Variants in USP7 observed in about 807,000 individuals in gnomAD.
The protein encoded by USP7 is ubiquitin specific peptidase 7, also known as ubiquitin C-terminal hydrolase 7.
Under a neutral mutation model 162.9 loss-of-function variants are expected in USP7, and 9 were observed. The ratio of observed to expected loss-of-function variants is 0.06; its 90% CI spans 0.03 to 0.10. USP7 has a LOEUF of 0.10. Among genes scored for constraint, USP7 ranks in the 10% least tolerant of loss-of-function variants. The pLI is 1.00. For missense variants in USP7, 715 were observed against 1,373.7 expected (o/e 0.52, Z 7.58); for synonymous variants, 562 against 475.9 (o/e 1.18, Z -2.35).
intron 2 of USP7, among the ~76,000 whole-genome samples, chr16:8,927,945 G>C (rs1312528621): frequency 6.6e-6 from 1 of 152,226 alleles, no homozygotes; most frequent in East Asian, 1.9e-4. Context: ...AGAAGTTCAA[G>C]ACCAGCCTGG....
intron 10 of USP7, among the ~76,000 whole-genome samples, chr16:8,912,174 T>G (rs2061957290): frequency 6.6e-6 from 1 of 152,170 alleles, no homozygotes; most frequent in Non-Finnish European, 1.5e-5. Flanking sequence ...ACCAGTGCAG[T>G]GGCTCAGTGG....
At chr16:8,938,058 TC>T (rs1159009509) in intron 1 of USP7, among the ~76,000 whole-genome samples, 7 of 152,130 alleles carry the variant, frequency 4.6e-5, no homozygotes, top group African/African-American at 1.7e-4. Flanking sequence ...CAGAATATCC[TC>T]CCTATGTCAC....
At chr16:8,955,654 C>T (rs570668454) in intron 1 of USP7, among the ~76,000 whole-genome samples, 52 of 129,386 alleles carry the variant, frequency 4.0e-4, no homozygotes, top group East Asian at 4.9e-4. Flanking sequence ...TGCAGTGAGC[C>T]GAGATCACAC....
intron 5 of USP7, 38 bp from the exon 6 acceptor site, chr16:8,919,177 T>C (rs1897538990): frequency 1.9e-6 from 3 of 1,600,862 alleles, no homozygotes; most frequent in Non-Finnish European, 2.6e-6. Context: ...ATCTTGCAGA[T>C]ACCCCATTGC....
chr16:8,903,292 A>G lies in USP7; in HGVS notation c.1815T>C (p.Phe605=), dbSNP rs1407969417. 2 of 1,614,056 alleles carry G rather than the reference A, an allele frequency of 1.2e-6. No individual in the cohort carries two copies. The highest frequency in any genetic ancestry group is 1.7e-6 in the Non-Finnish European group (2 of 1,179,976). The change falls in exon 16 of 31, where the codon TTT becomes TTC. Residue 605 remains phenylalanine (F), a synonymous_variant. Coordinates refer to ENST00000344836, the MANE Select transcript of USP7 (RefSeq NM_003470.3). ...CCATGGTCTGAGAGAGGCTCTGAAC[A>G]AACTCAGCAAGCGAGGAGTTCTTCA... The part of the protein sequence containing the change: ...KVLKNSSLAE[F]VQSLSQTMGF...
rs550848758 is a variant in USP7 at position 8,893,899 on chromosome 16, TTGC to T, written c.*96_*98del. 4.8e-6 allele frequency: 5 copies of T among 1,049,642 alleles called. No homozygotes were observed. Among genetic ancestry groups the T allele is most frequent in the East Asian group, 2.4e-5 (1 of 41,936 alleles). The allele number at this position is 1,049,642 out of a possible 1,614,324, so 65.0% of individuals were successfully genotyped here. On this transcript the variant is annotated 3_prime_UTR_variant, in exon 31 of 31. Transcript: ENST00000344836. Reference sequence around the variant, plus strand: ...AAATTAACACCAGCAGCGAATCCTCTTGCTGAAGACTTCGGCTAGAGGGCACGT... The same window carrying T: ...AAATTAACACCAGCAGCGAATCCTCTTGAAGACTTCGGCTAGAGGGCACGT...
intron 2 of USP7, among the ~76,000 whole-genome samples, chr16:8,926,208 T>C (rs1027154308): frequency 6.7e-6 from 1 of 149,092 alleles, no homozygotes; most frequent in African/African-American, 2.5e-5. Flanking sequence ...CCGGGCGCGG[T>C]GGTTCGCGCC....
chr16:8,929,672 C>G (rs1898205431), intron 2 of USP7: 1 of 434,036 alleles, frequency 2.3e-6, no homozygotes, highest in Non-Finnish European at 4.7e-6. Flanking sequence ...ACAAGTGTGA[C>G]TGTGCAAATA....
intron 25 of USP7, among the ~76,000 whole-genome samples, chr16:8,898,127 G>A (rs939343440): frequency 6.6e-6 from 1 of 152,104 alleles, no homozygotes; most frequent in African/African-American, 2.4e-5. Context: ...GACCCAGAAG[G>A]GAAGGGTTGG....
intron 1 of USP7, among the ~76,000 whole-genome samples, chr16:8,961,419 G>A (rs1399216349): frequency 6.0e-5 from 9 of 149,030 alleles, no homozygotes; most frequent in Non-Finnish European, 1.3e-4. Context: ...TTGAACCCGG[G>A]AGACGGAGGT....
rs542273557 is a variant in USP7 at position 8,902,802 on chromosome 16, T to C, written c.1840-320A>G. On this transcript the variant is annotated intron_variant, in intron 16 of 30. Coordinates refer to ENST00000344836, the MANE Select transcript of USP7 (RefSeq NM_003470.3). ...ACTTGGGAGGCTGAGGCAGGAGAAT[T>C]GCTTGAAACCAAAAGGCGGAGGTTG... 1.3e-4 allele frequency among the ~76,000 whole-genome samples: 20 copies of C among 152,010 alleles called. No homozygotes were observed. In the East Asian group the frequency reaches 3.7e-3, roughly 28 times the overall value.
chr16:8,894,821 T>C lies in USP7; in HGVS notation c.3074A>G (p.Gln1025Arg). The C allele has an allele frequency of 6.2e-7, 1 of 1,614,240 alleles. No individual in the cohort carries two copies. The highest frequency in any genetic ancestry group is 1.6e-4 in the Middle Eastern group (1 of 6,062). Reference protein sequence around the residue: ...EHFREVMKRIQSLLDIQEKEF... With the variant: ...EHFREVMKRIRSLLDIQEKEF... ...CTTCTCCTGGATGTCCAGCAGGCTCTGGATTCGCTTCATCACTTCTCGAAA... is the reference window on the plus strand; with the variant it reads ...CTTCTCCTGGATGTCCAGCAGGCTCCGGATTCGCTTCATCACTTCTCGAAA... The change falls in exon 29 of 31, where the codon CAG becomes CGG. Residue 1025 changes from glutamine (Q) to arginine (R), a missense_variant. Coordinates refer to ENST00000344836, the MANE Select transcript of USP7 (RefSeq NM_003470.3).
intron 4 of USP7, 145 bp downstream of exon 4, chr16:8,921,012 G>A (rs1167694795): frequency 2.1e-6 from 2 of 944,300 alleles, no homozygotes; most frequent in Non-Finnish European, 3.0e-6. Context: ...CGAAACTGGA[G>A]AAAACATGTT....
chr16:8,918,977 CCTGAGAAGAAAGGGTGAG>C, intron 6 of USP7, 36 bp downstream of exon 6: 1 of 1,580,740 alleles, frequency 6.3e-7, no homozygotes, highest in African/African-American at 1.3e-5. Flanking sequence ...CTCTGATATA[CCTGAGAAGAAAGGGTGAG>C]CGGAAGGCTG....
At chr16:8,914,963 T>C (rs548288186) in intron 10 of USP7, among the ~76,000 whole-genome samples, 1 of 152,350 alleles carries the variant, frequency 6.6e-6, no homozygotes, top group African/African-American at 2.4e-5. Context: ...AAGGTTCTAT[T>C]TAAACAGACA....
At position 8,930,668 on chromosome 16, in the gene USP7, A is replaced by C. The variant is rs150297856; in HGVS notation, c.80-271T>G. Among the ~76,000 whole-genome samples the C allele has an allele frequency of 2.9e-3, 439 of 152,296 alleles. 2 individuals carry two copies. Among genetic ancestry groups the C allele is most frequent in the African/African-American group, 0.01 (416 of 41,556 alleles). ...AATGATATTCTGCACAAAACTTTTT[A>C]TATAAAATCTCTTATGTAGGCCAGA... On this transcript the variant is annotated intron_variant, in intron 1 of 30. Coordinates refer to ENST00000344836, the MANE Select transcript of USP7 (RefSeq NM_003470.3).
chr16:8,936,618 G>C, intron 1 of USP7: 2 of 1,558,154 alleles, frequency 1.3e-6, no homozygotes, highest in East Asian at 4.7e-5. Context: ...AGCCATCTCT[G>C]CATGGCTCTG....
chr16:8,944,445 A>C (rs1489996072), intron 1 of USP7, among the ~76,000 whole-genome samples: 1 of 152,158 alleles, frequency 6.6e-6, no homozygotes, highest in Non-Finnish European at 1.5e-5. Flanking sequence ...TTTTCCCTAA[A>C]AATTATTTGA....
chr16:8,913,594 A>T (rs2061983895), intron 10 of USP7, among the ~76,000 whole-genome samples: 1 of 152,044 alleles, frequency 6.6e-6, no homozygotes, highest in Non-Finnish European at 1.5e-5. Context: ...CAGATGAAAT[A>T]AAATCTTTCT....
Sources: allele counts gnomAD v4.1 joint callset (sites outside exome capture counted in the v4.1 genomes callset), GRCh38; gene constraint gnomAD v4.1.1; transcripts MANE v1.5; gene names NCBI Gene and HGNC (gene_info 2026-07-23, HGNC 2026-07-21).